ANGPTL5: variants seen among roughly 807,000 people sequenced by gnomAD.
ANGPTL5 encodes the protein angiopoietin-related protein 5.
Under a neutral mutation model 39.4 loss-of-function variants are expected in ANGPTL5, and 34 were observed. That is an observed-to-expected ratio of 0.86 (90% CI 0.66 to 1.15). ANGPTL5 has a LOEUF of 1.15. Ranked by LOEUF, ANGPTL5 falls within the 50% of genes most tolerant of loss-of-function variation. ANGPTL5 has a pLI of 0.00. For synonymous variants in ANGPTL5, 146 were observed against 152.1 expected (o/e 0.96, Z 0.29); for missense variants, 467 against 457.5 (o/e 1.02, Z -0.19).
rs1939685925 is a variant in ANGPTL5 at position 101,891,216 on chromosome 11, T to C, written c.*63A>G. 3 of 1,452,800 alleles carry C rather than the reference T, an allele frequency of 2.1e-6. No individual in the cohort carries two copies. Among genetic ancestry groups the C allele is most frequent in the Non-Finnish European group, 2.8e-6 (3 of 1,068,722 alleles). The allele number at this position is 1,452,800 out of a possible 1,614,324, so 90.0% of individuals were successfully genotyped here. ...ATGTTTGAAACACTAAGTGAAAAGATAAACTTTTAAAAATCTTTAATATAT... is the reference window on the plus strand; with the variant it reads ...ATGTTTGAAACACTAAGTGAAAAGACAAACTTTTAAAAATCTTTAATATAT... On this transcript the variant is annotated 3_prime_UTR_variant, in exon 9 of 9. Coordinates refer to ENST00000334289, the MANE Select transcript of ANGPTL5 (RefSeq NM_178127.5).
intron 5 of ANGPTL5, among the ~76,000 whole-genome samples, chr11:101,904,329 A>C (rs1288591480): frequency 1.3e-5 from 2 of 152,042 alleles, no homozygotes; most frequent in Non-Finnish European, 2.9e-5. Flanking sequence ...AGAAGTCCAA[A>C]CCTCTAGGAA....
chr11:101,915,393 C>T (rs1940184323), intron 1 of ANGPTL5: 2 of 1,613,378 alleles, frequency 1.2e-6, no homozygotes, highest in Non-Finnish European at 8.5e-7. Flanking sequence ...CGGCGGGCAT[C>T]ACCGACCTGG....
intron 1 of ANGPTL5, chr11:101,915,271 C>T (rs1449215927): frequency 6.2e-7 from 1 of 1,612,994 alleles, no homozygotes; most frequent in Non-Finnish European, 8.5e-7. Flanking sequence ...AGACAGGCGG[C>T]GCTGAAGTGA....
intron 8 of ANGPTL5, among the ~76,000 whole-genome samples, chr11:101,894,674 A>ATAAAGCAC (rs1448116069): frequency 6.6e-6 from 1 of 152,234 alleles, no homozygotes; most frequent in Non-Finnish European, 1.5e-5. Context: ...TTTAGAGACT[A>ATAAAGCAC]TAAAGCACTT....
rs1028852643 is a variant in ANGPTL5 at position 101,895,131 on chromosome 11, G to A, written c.662-67C>T. 3.9e-6 allele frequency: 5 copies of A among 1,270,434 alleles called. No individual in the cohort carries two copies. In the African/African-American group the frequency reaches 6.1e-5, roughly 15 times the overall value. The allele number at this position is 1,270,434 out of a possible 1,614,324, so 78.7% of individuals were successfully genotyped here. ...TTAGAATAATGGTTTATTATTGAAT[G>A]TTTGGTCTTGTTTAGCATTTCAAAA... is the stretch of plus-strand genomic sequence containing the variant. On this transcript the variant is annotated intron_variant, in intron 7 of 8. Coordinates refer to ENST00000334289, the MANE Select transcript of ANGPTL5 (RefSeq NM_178127.5).
chr11:101,907,194 A>C lies in ANGPTL5; in HGVS notation c.150T>G (p.Ser50Arg), dbSNP rs1304056542. ...CCTTACAAACAGTATCATTACTTTT[A>C]CTTTCATCTTTTGCATTAGATCCAT... The part of the protein sequence containing the change: ...VEDGSNAKDE[S>R]KSNDTVCKED... Residue 50 changes from serine to arginine, a missense_variant, in exon 3 of 9, where the codon AGT becomes AGG. Coordinates refer to ENST00000334289, the MANE Select transcript of ANGPTL5 (RefSeq NM_178127.5). 2 of 1,571,818 alleles carry C rather than the reference A, an allele frequency of 1.3e-6. No homozygotes were observed. The highest frequency in any genetic ancestry group is 4.5e-5 in the East Asian group (2 of 44,258).
chr11:101,900,393 A>G, intron 7 of ANGPTL5, 37 bp downstream of exon 7: 1 of 1,596,978 alleles, frequency 6.3e-7, no homozygotes, highest in South Asian at 1.1e-5. Context: ...TATCAAAAAG[A>G]GTAAACAATG....
chr11:101,905,807 G>T lies in ANGPTL5; in HGVS notation c.282C>A (p.Thr94=). The T allele has an allele frequency of 6.2e-7, 1 of 1,611,688 alleles. No individual in the cohort carries two copies. The highest frequency in any genetic ancestry group is 1.3e-5 in the African/African-American group (1 of 74,936). The change falls in exon 4 of 9, where the codon ACC becomes ACA. Residue 94 remains threonine (T), a synonymous_variant. Coordinates refer to ENST00000334289, the MANE Select transcript of ANGPTL5 (RefSeq NM_178127.5). ...QNSIVSYTRS[T]KKLLRNMMDE... ...CCATCATATTCCTTAGTAGTTTTTTGGTACTTCTTGTGTAGGAAACAATAG... is the reference window on the plus strand; with the variant it reads ...CCATCATATTCCTTAGTAGTTTTTTTGTACTTCTTGTGTAGGAAACAATAG...
At chr11:101,914,588 C>A (rs1167937607) in intron 1 of ANGPTL5, among the ~76,000 whole-genome samples, 1 of 152,132 alleles carries the variant, frequency 6.6e-6, no homozygotes, top group African/African-American at 2.4e-5. Context: ...GGAAAATTTC[C>A]ACTTCACAAA....
At position 101,907,917 on chromosome 11, in the gene ANGPTL5, T is replaced by A. The variant is rs1940025862; in HGVS notation, c.-8A>T. 1.3e-6 allele frequency: 2 copies of A among 1,568,416 alleles called. No individual in the cohort carries two copies. The highest frequency in any genetic ancestry group is 2.7e-5 in the African/African-American group (2 of 74,044). ...TTGGGATGGAGACATCATATTTTTC[T>A]TGGATAGATGAAAACACTTCTTCAA... On this transcript the variant is annotated 5_prime_UTR_variant, in exon 2 of 9. In the 5' UTR this introduces an upstream ATG that the reference lacks. Transcript: ENST00000334289.
intron 7 of ANGPTL5, among the ~76,000 whole-genome samples, chr11:101,895,598 A>G (rs1939777580): frequency 1.3e-5 from 2 of 152,208 alleles, no homozygotes; most frequent in African/African-American, 4.8e-5. Flanking sequence ...CTTCTTTGCT[A>G]CAATGCAGCT....
Position 101,891,514 on chromosome 11 carries a change from C to CATT in ANGPTL5, c.931_932insAAT (p.Arg311delinsGlnCys). On this transcript the variant is annotated protein_altering_variant, in exon 9 of 9. Coordinates refer to ENST00000334289, the MANE Select transcript of ANGPTL5 (RefSeq NM_178127.5). ...CTGACCATTGACCAGGCATGCAGGGCGACACCCATCATTATCAACATCTGA... is the reference window on the plus strand; with the variant it reads ...CTGACCATTGACCAGGCATGCAGGGCATTGACACCCATCATTATCAACATCTGA... 6.2e-7 allele frequency: 1 copy of CATT among 1,613,972 alleles called. No individual in the cohort carries two copies.
At chr11:101,911,696 C>T (rs1940095170) in intron 1 of ANGPTL5, among the ~76,000 whole-genome samples, 1 of 152,194 alleles carries the variant, frequency 6.6e-6, no homozygotes, top group East Asian at 1.9e-4. Context: ...TGCTGCCATG[C>T]TTTCTGTACA....
chr11:101,895,090 T>C, intron 7 of ANGPTL5, 26 bp from the exon 8 acceptor site: 2 of 1,438,330 alleles, frequency 1.4e-6, no homozygotes, highest in African/African-American at 1.4e-5. Flanking sequence ...TTTGTTTTAA[T>C]ATATTTTAAT....
At position 101,891,043 on chromosome 11, in the gene ANGPTL5, G is replaced by T; in HGVS notation, c.*236C>A. 1 of 333,196 alleles carries T rather than the reference G, an allele frequency of 3.0e-6. No individual in the cohort carries two copies. Among genetic ancestry groups the T allele is most frequent in the Non-Finnish European group, 5.4e-6 (1 of 185,176 alleles). The allele number at this position is 333,196 out of a possible 1,614,324, so 20.6% of individuals were successfully genotyped here. A position where few individuals can be genotyped will look rare whatever the true frequency, so the allele number is the denominator to read the frequency against. On this transcript the variant is annotated 3_prime_UTR_variant, in exon 9 of 9. Coordinates refer to ENST00000334289, the MANE Select transcript of ANGPTL5 (RefSeq NM_178127.5). ...TAGGAAGACAAGTTGTAGTTCACTT[G>T]AAACAAATTTCATTGTATATTGTTA... is the stretch of plus-strand genomic sequence containing the variant.
At chr11:101,915,182 G>A in intron 1 of ANGPTL5, 1 of 1,528,466 alleles carries the variant, frequency 6.5e-7, no homozygotes, top group Middle Eastern at 2.4e-4. Flanking sequence ...CGCGGGGCCT[G>A]AGAGACGGAG....
At chr11:101,900,400 A>G (rs375579110) in intron 7 of ANGPTL5, 30 bp downstream of exon 7, 4 of 1,603,738 alleles carry the variant, frequency 2.5e-6, no homozygotes, top group Middle Eastern at 3.3e-4. Flanking sequence ...AAGAGTAAAC[A>G]ATGTAGAGTA....
intron 5 of ANGPTL5, among the ~76,000 whole-genome samples, chr11:101,903,037 G>T (rs930014742): frequency 1.3e-5 from 2 of 152,000 alleles, no homozygotes; most frequent in African/African-American, 4.8e-5. Context: ...AATAAATAAT[G>T]CCATTTCAGA....
rs756185252 is a variant in ANGPTL5, at chr11:101,895,069, A to T, written c.662-5T>A. 1 of 1,528,840 alleles carries T rather than the reference A, an allele frequency of 6.5e-7. No individual in the cohort carries two copies. The highest frequency in any genetic ancestry group is 9.0e-7 in the Non-Finnish European group (1 of 1,116,400). The allele number at this position is 1,528,840 out of a possible 1,614,324, so 94.7% of individuals were successfully genotyped here. On this transcript the variant is annotated splice_polypyrimidine_tract_variant and splice_region_variant and intron_variant, in intron 7 of 8. Transcript: ENST00000334289. ...TCAGTCCTAGCCAAAATTCTCCTGT[A>T]AAAAAAATGCTTTGTTTTAATATAT...
Sources: allele counts gnomAD v4.1 joint callset (sites outside exome capture counted in the v4.1 genomes callset), GRCh38; gene constraint gnomAD v4.1.1; transcripts MANE v1.5; gene names NCBI Gene and HGNC (gene_info 2026-07-23, HGNC 2026-07-21).